DSG2: variants seen among roughly 807,000 people sequenced by gnomAD.
DSG2 encodes desmoglein-2.
DSG2 carries 45 observed loss-of-function variants against 75.6 expected under a neutral mutation model. The observed-to-expected ratio is 0.60, with a 90% CI of 0.47 to 0.76. The LOEUF is 0.76. Among genes scored for constraint, DSG2 ranks in the 30% least tolerant of loss-of-function variants. The pLI, the probability that DSG2 is intolerant of heterozygous loss-of-function variation, is 0.00. For missense variants in DSG2, 1,267 were observed against 1,357.4 expected (o/e 0.93, Z 1.05); for synonymous variants, 429 against 483.9 (o/e 0.89, Z 1.49).
intron 1 of DSG2, among the ~76,000 whole-genome samples, chr18:31,500,592 T>G (rs1336416326): frequency 6.6e-6 from 1 of 152,060 alleles, no homozygotes; most frequent in Non-Finnish European, 1.5e-5. Context: ...TTCTTTCAAA[T>G]CTCATGTAAA....
chr18:31,521,003 T>G, intron 4 of DSG2, 39 bp downstream of exon 4: 1 of 1,610,000 alleles, frequency 6.2e-7, no homozygotes, highest in African/African-American at 1.3e-5. Context: ...TTTGTAGTTT[T>G]TCTGTCATAA....
intron 1 of DSG2, among the ~76,000 whole-genome samples, chr18:31,513,804 A>C (rs1426019732): frequency 5.9e-5 from 9 of 152,232 alleles, no homozygotes; most frequent in Non-Finnish European, 1.2e-4. Flanking sequence ...TCAGTACCTT[A>C]GCCAGTGGTG....
At chr18:31,538,293 A>G (rs1334468488) in intron 11 of DSG2, among the ~76,000 whole-genome samples, 1 of 152,232 alleles carries the variant, frequency 6.6e-6, no homozygotes, top group Non-Finnish European at 1.5e-5. Context: ...TAGAGAAAAC[A>G]AGATCAGCCC....
At position 31,545,817 on chromosome 18, in the gene DSG2, A is replaced by G. The variant is rs1405482065; in HGVS notation, c.2431A>G (p.Ile811Val). ...AGAAACTGAATCGCTGAATGCTTCTATTGGTTGTTGCAGTTTTATTGAAGG... is the reference window on the plus strand; with the variant it reads ...AGAAACTGAATCGCTGAATGCTTCTGTTGGTTGTTGCAGTTTTATTGAAGG... Reference protein sequence around the residue: ...QEETESLNASIGCCSFIEGEL... With the variant: ...QEETESLNASVGCCSFIEGEL... Residue 811 changes from isoleucine to valine, a missense_variant, in exon 15 of 15, where the codon ATT (isoleucine) becomes GTT (valine). Transcript: ENST00000261590. 6.2e-7 allele frequency: 1 copy of G among 1,614,144 alleles called. No individual in the cohort carries two copies. The highest frequency in any genetic ancestry group is 8.5e-7 in the Non-Finnish European group (1 of 1,180,032).
intron 1 of DSG2, among the ~76,000 whole-genome samples, chr18:31,507,560 C>T (rs1262087850): frequency 6.6e-6 from 1 of 152,186 alleles, no homozygotes; most frequent in Non-Finnish European, 1.5e-5. Context: ...TAAAAGCATT[C>T]CTATTTCTCC....
In DSG2 at chr18:31,546,471, G is replaced by A. The variant is rs1567935080; in HGVS notation, c.3085G>A (p.Val1029Met). The change falls in exon 15 of 15, where the codon GTG becomes ATG. Residue 1029 changes from valine (V) to methionine (M), a missense_variant. Transcript: ENST00000261590. Reference protein sequence around the residue: ...RESFLAPSSGVQPTLAMPNIA... With the variant: ...RESFLAPSSGMQPTLAMPNIA... ...GAGCTTCCTTGCCCCCAGCTCAGGTGTGCAGCCTACTCTGGCCATGCCTAA... is the reference window on the plus strand; with the variant it reads ...GAGCTTCCTTGCCCCCAGCTCAGGTATGCAGCCTACTCTGGCCATGCCTAA... The A allele has an allele frequency of 1.9e-6, 3 of 1,614,208 alleles. No individual in the cohort carries two copies. The highest frequency in any genetic ancestry group is 1.1e-5 in the South Asian group (1 of 91,082).
intron 1 of DSG2, among the ~76,000 whole-genome samples, chr18:31,511,197 G>T (rs1168636986): frequency 6.6e-6 from 1 of 152,066 alleles, no homozygotes; most frequent in South Asian, 2.1e-4. Flanking sequence ...TCTTAACCTC[G>T]GCACTTGGCC....
rs752432726 is a variant in DSG2, at chr18:31,524,754, A to G, written c.880A>G (p.Lys294Glu). ...NQVNVEVTRI[K>E]VFDADEIGSD... ...AGTCAACGTAGAAGTTACGCGCATAAAAGTGTTCGATGCAGATGAAATAGG... is the reference window on the plus strand; with the variant it reads ...AGTCAACGTAGAAGTTACGCGCATAGAAGTGTTCGATGCAGATGAAATAGG... The change falls in exon 8 of 15, where the codon AAA becomes GAA. Residue 294 changes from lysine (K) to glutamate (E), a missense_variant. Transcript: ENST00000261590. 56 of 1,614,090 alleles carry G rather than the reference A, an allele frequency of 3.5e-5. 2 individuals are homozygous for G. The Middle Eastern group carries it at 9.9e-4, about 28-fold the overall frequency.
intron 8 of DSG2, among the ~76,000 whole-genome samples, chr18:31,529,431 C>G (rs1237897393): frequency 6.6e-6 from 1 of 152,190 alleles, no homozygotes; most frequent in Non-Finnish European, 1.5e-5. Context: ...ACAAGCATGT[C>G]AAGTGCAAGA....
chr18:31,507,631 G>A (rs1168511660), intron 1 of DSG2, among the ~76,000 whole-genome samples: 1 of 152,196 alleles, frequency 6.6e-6, no homozygotes, highest in Non-Finnish European at 1.5e-5. Context: ...TAACTGGTGT[G>A]AGATGGTATC....
Position 31,522,086 on chromosome 18 carries a change from C to T in DSG2, c.527C>T (p.Thr176Ile), listed in dbSNP as rs536617217. ...GSVEELSAAH[T>I]LVMKINATDA... ...ACATCTTTATTTCTAATGCCAGATACTCTTGTGATGAAAATCAATGCAACA... is the reference window on the plus strand; with the variant it reads ...ACATCTTTATTTCTAATGCCAGATATTCTTGTGATGAAAATCAATGCAACA... Residue 176 changes from threonine to isoleucine, a missense_variant, in exon 6 of 15, where the codon ACT becomes ATT. Physicochemically the swap from Thr to Ile is moderately conservative, Grantham distance 89 (BLOSUM62 -1). Coordinates refer to ENST00000261590, the MANE Select transcript of DSG2 (RefSeq NM_001943.5). 8.7e-6 allele frequency: 14 copies of T among 1,613,510 alleles called. No homozygotes were observed. Among genetic ancestry groups the T allele is most frequent in the Non-Finnish European group, 1.2e-5 (14 of 1,179,566 alleles).
rs368514815 is a variant in DSG2, at chr18:31,542,822, C to T, written c.2304C>T (p.Asn768=). ...AGAQAAAVAL[N]EEFLRNYFTD... ...CTCAGGCAGCTGCTGTTGCACTGAA[C>T]GAAGAATTCTTAAGAAATTATTTCA... Residue 768 remains asparagine, a synonymous_variant, in exon 14 of 15, where the codon AAC becomes AAT. Transcript: ENST00000261590. 1.2e-5 allele frequency: 19 copies of T among 1,539,052 alleles called. No individual in the cohort carries two copies. Among genetic ancestry groups the T allele is most frequent in the African/African-American group, 3.1e-5 (2 of 63,970 alleles).
rs749488656 is a variant in DSG2, at chr18:31,538,792, A to G, written c.1693A>G (p.Arg565Gly). 1.2e-6 allele frequency: 2 copies of G among 1,614,184 alleles called. No homozygotes were observed. Among genetic ancestry groups the G allele is most frequent in the South Asian group, 2.2e-5 (2 of 91,068 alleles). ...LLQQSEKKLG[R>G]SEIQFLISDN... Reference sequence around the variant, plus strand: ...GCAACAAAGTGAGAAAAAGCTTGGGAGAAGTGAAATTCAGTTCCTGATTTC... The same window carrying G: ...GCAACAAAGTGAGAAAAAGCTTGGGGGAAGTGAAATTCAGTTCCTGATTTC... The change falls in exon 12 of 15, where the codon AGA (arginine) becomes GGA (glycine). Residue 565 changes from arginine (R) to glycine (G), a missense_variant. Transcript: ENST00000261590.
rs1222751267 is a variant in DSG2 at position 31,548,313 on chromosome 18, C to G, written c.*1570C>G. ...TAATAATTTGTATAAATATTTCCCACAACAATTTTCATAATTTTCAAAGAC... is the reference window on the plus strand; with the variant it reads ...TAATAATTTGTATAAATATTTCCCAGAACAATTTTCATAATTTTCAAAGAC... On this transcript the variant is annotated 3_prime_UTR_variant, in exon 15 of 15. Coordinates refer to ENST00000261590, the MANE Select transcript of DSG2 (RefSeq NM_001943.5). 2 of 152,138 alleles carry G rather than the reference C, an allele frequency of 1.3e-5. No individual in the cohort carries two copies. The highest frequency in any genetic ancestry group is 2.9e-5 in the Non-Finnish European group (2 of 68,018). The allele number at this position is 152,138 out of a possible 1,614,324, so 9.4% of individuals were successfully genotyped here.
At chr18:31,530,848 A>G in intron 8 of DSG2, 139 bp from the exon 9 acceptor site, 2 of 760,594 alleles carry the variant, frequency 2.6e-6, no homozygotes, top group Non-Finnish European at 4.2e-6. Context: ...TCAGTATAAG[A>G]GTTGGACTAT....
chr18:31,515,128 A>G (rs2073087044), intron 1 of DSG2, among the ~76,000 whole-genome samples: 2 of 152,078 alleles, frequency 1.3e-5, no homozygotes. Flanking sequence ...TTTGAGACAG[A>G]GTCTCACTCT....
chr18:31,521,819 T>A (rs1351673691), intron 5 of DSG2, among the ~76,000 whole-genome samples: 1 of 152,210 alleles, frequency 6.6e-6, no homozygotes, highest in East Asian at 1.9e-4. Flanking sequence ...TGGCTACTAA[T>A]ACTATTATAA....
In DSG2 at chr18:31,536,190, C is replaced by T. The variant is rs1484978396; in HGVS notation, c.1424-12C>T. The T allele has an allele frequency of 6.2e-7, 1 of 1,612,706 alleles. No homozygotes were observed. The highest frequency in any genetic ancestry group is 1.1e-5 in the South Asian group (1 of 91,020). ...AACAGAATGTACATACTTTTTCTCT[C>T]TTATTTTTAAGATTATCCTAGAAAA... On this transcript the variant is annotated splice_polypyrimidine_tract_variant and intron_variant, in intron 10 of 14. Coordinates refer to ENST00000261590, the MANE Select transcript of DSG2 (RefSeq NM_001943.5).
At chr18:31,529,582 C>T (rs2073182226) in intron 8 of DSG2, among the ~76,000 whole-genome samples, 1 of 152,096 alleles carries the variant, frequency 6.6e-6, no homozygotes, top group Non-Finnish European at 1.5e-5. Flanking sequence ...TGTGATCCAT[C>T]CAGAGCCCAA....
Sources: gnomAD v4.1 joint callset for allele counts (sites outside exome capture counted in the v4.1 genomes callset) on GRCh38, gnomAD v4.1.1 for gene constraint, MANE v1.5 for transcripts, NCBI Gene and HGNC (gene_info 2026-07-23, HGNC 2026-07-21) for gene names.